PLA2G4E: variants seen among roughly 807,000 people sequenced by gnomAD.
The protein encoded by PLA2G4E is phospholipase A2 group IVE, also known as cytosolic phospholipase A2 epsilon.
Under a neutral mutation model 109.1 loss-of-function variants are expected in PLA2G4E, and 84 were observed. That is an observed-to-expected ratio of 0.77 (90% CI 0.65 to 0.92). PLA2G4E has a LOEUF of 0.92. Ranked by LOEUF, PLA2G4E falls within the 40% of genes least tolerant of loss-of-function variation. The pLI, the probability that PLA2G4E is intolerant of heterozygous loss-of-function variation, is 0.00. For synonymous variants in PLA2G4E, 469 were observed against 436.1 expected, an observed-to-expected ratio of 1.08 and a Z score of -0.94; for missense variants, 1,057 against 1,076.6, an observed-to-expected ratio of 0.98 and a Z score of 0.25.
chr15:42,007,049 G>A (rs980760998), intron 3 of PLA2G4E, among the ~76,000 whole-genome samples: 23 of 152,252 alleles, frequency 1.5e-4, no homozygotes, highest in South Asian at 2.1e-4. Context: ...GATACGTCAC[G>A]TAACAAAAAT....
chr15:42,047,961 T>A (rs373204058), intron 1 of PLA2G4E, among the ~76,000 whole-genome samples: 4 of 152,354 alleles, frequency 2.6e-5, no homozygotes, highest in South Asian at 2.1e-4. Flanking sequence ...TTAATGACTA[T>A]AATTTTAGGC....
chr15:42,010,140 AC>A (rs547723807), intron 2 of PLA2G4E: 1 of 398,032 alleles, frequency 2.5e-6, no homozygotes, highest in South Asian at 2.1e-5. Context: ...TGGCCCCCCC[AC>A]CCCGGGCCTG....
rs75102411 is a variant in PLA2G4E at position 41,989,036 on chromosome 15, G to A, written c.1723+379C>T. 6.4e-3 allele frequency among the ~76,000 whole-genome samples: 970 copies of A among 152,316 alleles called. 7 individuals carry two copies. The highest frequency in any genetic ancestry group is 0.011 in the Non-Finnish European group (763 of 68,020). On this transcript the variant is annotated intron_variant, in intron 15 of 19. Transcript: ENST00000399518. ...TGAAGAACCGAGGCGCTTAGGGTGG[G>A]AGGCTGGGCTAGGCTTCTCTGGTGA...
At chr15:42,003,569 G>A (rs765114653) in intron 5 of PLA2G4E, among the ~76,000 whole-genome samples, 10 of 152,246 alleles carry the variant, frequency 6.6e-5, no homozygotes, top group Non-Finnish European at 1.3e-4. Flanking sequence ...AAGAATTGGA[G>A]GGGAGAGCTT....
At chr15:41,990,743 TC>T (rs2068232600) in intron 13 of PLA2G4E, among the ~76,000 whole-genome samples, 2 of 23,000 alleles carry the variant, frequency 8.7e-5, no homozygotes, top group Non-Finnish European at 1.3e-4. Context: ...CCTCTTCCCT[TC>T]TTTTTTTTTT....
In PLA2G4E at chr15:42,042,151, G is replaced by A. The variant is rs116092645; in HGVS notation, c.183+8370C>T. On this transcript the variant is annotated intron_variant, in intron 1 of 19. Coordinates refer to ENST00000399518, the Ensembl canonical transcript of PLA2G4E. Reference sequence around the variant, plus strand: ...CCTAGATGATATGATGTTATGTTATGTAGCCATTTTCAAAAATCTGGTTTT... The same window carrying A: ...CCTAGATGATATGATGTTATGTTATATAGCCATTTTCAAAAATCTGGTTTT... 8.7e-3 allele frequency among the ~76,000 whole-genome samples: 1,318 copies of A among 152,282 alleles called. 19 individuals are homozygous for A. The highest frequency in any genetic ancestry group is 0.03 in the African/African-American group (1,262 of 41,548).
At chr15:41,989,490 C>T (rs776726076) in exon 15 of PLA2G4E, 21 of 1,613,826 alleles carry the variant, frequency 1.3e-5, no homozygotes, top group African/African-American at 5.3e-5. Context: ...CCGAAGAGCT[C>T]GGAGGGGATG....
chr15:42,018,705 G>A (rs1417735626), intron 1 of PLA2G4E, among the ~76,000 whole-genome samples: 2 of 152,096 alleles, frequency 1.3e-5, no homozygotes, highest in Non-Finnish European at 2.9e-5. Context: ...TCAGGCTGCC[G>A]ACACACCGTC....
intron 6 of PLA2G4E, 57 bp downstream of exon 6, chr15:42,002,597 T>G: frequency 6.6e-7 from 1 of 1,509,994 alleles, no homozygotes; most frequent in South Asian, 1.2e-5. Flanking sequence ...CCTGTTCCCC[T>G]GAGAGCAGCA....
chr15:41,990,143 A>G (rs2068218793), exon 14 of PLA2G4E: 4 of 1,613,228 alleles, frequency 2.5e-6, no homozygotes, highest in Non-Finnish European at 2.5e-6. Context: ...GGTTGCTTAC[A>G]TCATCCTTGA....
intron 3 of PLA2G4E, 115 bp from the exon 4 acceptor site, chr15:42,006,236 GC>G: frequency 7.5e-7 from 1 of 1,326,414 alleles, no homozygotes; most frequent in South Asian, 1.4e-5. Context: ...ATGGGAGACA[GC>G]CCAGAAGTCC....
intron 1 of PLA2G4E, among the ~76,000 whole-genome samples, chr15:42,040,789 A>G (rs1014077277): frequency 6.6e-6 from 1 of 152,236 alleles, no homozygotes; most frequent in African/African-American, 2.4e-5. Context: ...GATCTTTAAA[A>G]ATAGTATTGT....
At chr15:41,996,200 T>A (rs1265251831) in intron 11 of PLA2G4E, among the ~76,000 whole-genome samples, 3 of 151,720 alleles carry the variant, frequency 2.0e-5, no homozygotes, top group African/African-American at 7.3e-5. Context: ...ATACAAAAAT[T>A]AGCCAGGCAT....
intron 14 of PLA2G4E, 64 bp downstream of exon 14, chr15:41,990,057 G>T: frequency 2.3e-6 from 3 of 1,282,342 alleles, no homozygotes; most frequent in Non-Finnish European, 2.2e-6. Flanking sequence ...GGTGCTGGGT[G>T]CTTTTGCCCA....
At position 42,050,066 on chromosome 15, in the gene PLA2G4E, T is replaced by G. The variant is rs370175079; in HGVS notation, c.183+455A>C. Among the ~76,000 whole-genome samples, 16 of 152,330 alleles carry G rather than the reference T, an allele frequency of 1.1e-4. No homozygotes were observed. The East Asian group carries it at 2.3e-3, about 22-fold the overall frequency. On this transcript the variant is annotated intron_variant, in intron 1 of 19. Transcript: ENST00000399518. Reference sequence around the variant, plus strand: ...CACTTACGACCCTGCCAGGCCACTATGCTAGACTGCATGGTTCGAGAGCCT... The same window carrying G: ...CACTTACGACCCTGCCAGGCCACTAGGCTAGACTGCATGGTTCGAGAGCCT...
intron 1 of PLA2G4E, among the ~76,000 whole-genome samples, chr15:42,037,476 G>A (rs1360585070): frequency 6.6e-6 from 1 of 152,190 alleles, no homozygotes; most frequent in African/African-American, 2.4e-5. Flanking sequence ...TACCTACTGC[G>A]GGTCTCCTCT....
At chr15:42,030,531 A>G (rs1439549767) in intron 1 of PLA2G4E, among the ~76,000 whole-genome samples, 3 of 152,192 alleles carry the variant, frequency 2.0e-5, no homozygotes, top group Admixed American at 6.5e-5. Flanking sequence ...AGGAAAGAGA[A>G]ATCTGCACGT....
At chr15:41,989,447 C>T (rs777463791) in exon 15 of PLA2G4E, 3 of 1,613,906 alleles carry the variant, frequency 1.9e-6, no homozygotes, top group African/African-American at 1.3e-5. Flanking sequence ...CTCCGGGATC[C>T]TCTTCACCAG....
chr15:42,006,858 T>C (rs1460736696), intron 3 of PLA2G4E, among the ~76,000 whole-genome samples: 4 of 152,036 alleles, frequency 2.6e-5, no homozygotes, highest in African/African-American at 2.4e-5. Context: ...GACCTTGTAA[T>C]TACTAGAAAC....
Sources: allele counts gnomAD v4.1 joint callset (sites outside exome capture counted in the v4.1 genomes callset), GRCh38; gene constraint gnomAD v4.1.1; transcripts MANE v1.5; gene names NCBI Gene and HGNC (gene_info 2026-07-23, HGNC 2026-07-21).